Variants in RAD54B observed in about 807,000 individuals in gnomAD.
The protein encoded by RAD54B is DNA repair and recombination protein RAD54B.
A neutral mutation model predicts 95.8 loss-of-function variants in RAD54B; 78 were observed. That is an observed-to-expected ratio of 0.81 (90% CI 0.68 to 0.98). The LOEUF (loss-of-function observed/expected upper bound fraction) is 0.98. Ranked by LOEUF, RAD54B falls within the 50% of genes least tolerant of loss-of-function variation. RAD54B has a pLI of 0.00. For synonymous variants in RAD54B, 328 were observed against 354.9 expected (o/e 0.92, Z 0.85); for missense variants, 957 against 1,056.6 (o/e 0.91, Z 1.31).
At chr8:94,474,898 C>T (rs1216432035) in intron 1 of RAD54B, 103 bp downstream of exon 1, 2 of 152,594 alleles carry the variant, frequency 1.3e-5, no homozygotes, top group African/African-American at 2.4e-5. Flanking sequence ...GCCGCCTTCC[C>T]TCCCTCCTCC....
At chr8:94,447,160 C>G (rs1812541735) in intron 3 of RAD54B, among the ~76,000 whole-genome samples, 1 of 152,106 alleles carries the variant, frequency 6.6e-6, no homozygotes, top group African/African-American at 2.4e-5. Context: ...CTTGAAAACC[C>G]TCACAAAACC....
chr8:94,446,086 CAT>C (rs1379060131), intron 3 of RAD54B, among the ~76,000 whole-genome samples: 14 of 151,948 alleles, frequency 9.2e-5, no homozygotes, highest in African/African-American at 3.4e-4. Context: ...AAAAAGAAAA[CAT>C]AGCAAGTAGT....
intron 3 of RAD54B, among the ~76,000 whole-genome samples, chr8:94,455,978 T>C (rs1475180374): frequency 6.6e-6 from 1 of 152,216 alleles, no homozygotes; most frequent in African/African-American, 2.4e-5. Context: ...AACATATATC[T>C]TTAGGAGACA....
At chr8:94,432,183 T>C in intron 3 of RAD54B, 1 of 1,550,302 alleles carries the variant, frequency 6.5e-7, no homozygotes, top group Non-Finnish European at 8.7e-7. Flanking sequence ...TGCTTTCAGC[T>C]TCTCCACTTC....
chr8:94,404,212 T>G lies in RAD54B; in HGVS notation c.809A>C (p.Lys270Thr). ...CTTATTGAATACCCACTGGTGATTC[T>G]TATCTGGTCGTGGCATAACGAGGGA... ...PNSLVMPRPD[K>T]NHQWVFNKNC... is the part of the protein sequence containing the mutation. Residue 270 changes from lysine (K) to threonine (T), a missense_variant, in exon 6 of 15, where the codon AAG becomes ACG. By Grantham distance (78) the Lys-to-Thr change is moderately conservative. Transcript: ENST00000336148. The G allele has an allele frequency of 6.8e-6, 11 of 1,605,936 alleles. No homozygotes were observed. The highest frequency in any genetic ancestry group is 9.3e-6 in the Non-Finnish European group (11 of 1,177,078).
chr8:94,413,211 A>T (rs1811571756), intron 3 of RAD54B, among the ~76,000 whole-genome samples: 1 of 152,222 alleles, frequency 6.6e-6, no homozygotes, highest in African/African-American at 2.4e-5. Context: ...TGGCAAGTTG[A>T]TTTAAAAATT....
At chr8:94,443,937 G>A (rs1812458556) in intron 3 of RAD54B, among the ~76,000 whole-genome samples, 1 of 150,780 alleles carries the variant, frequency 6.6e-6, no homozygotes, top group African/African-American at 2.5e-5. Context: ...CAACTATTAT[G>A]TATCAATAAA....
intron 3 of RAD54B, among the ~76,000 whole-genome samples, chr8:94,422,398 C>T (rs911366084): frequency 5.2e-4 from 79 of 150,666 alleles, no homozygotes; most frequent in African/African-American, 1.9e-3. Flanking sequence ...ACCAGCCTGG[C>T]CAACGTGGCG....
At chr8:94,472,496 C>G (rs1813195971) in intron 1 of RAD54B, among the ~76,000 whole-genome samples, 1 of 152,078 alleles carries the variant, frequency 6.6e-6, no homozygotes, top group Non-Finnish European at 1.5e-5. Context: ...AGATAATGAG[C>G]CTTCTTAAAC....
chr8:94,416,781 T>C (rs1225175728), intron 3 of RAD54B, among the ~76,000 whole-genome samples: 1 of 152,130 alleles, frequency 6.6e-6, no homozygotes, highest in Admixed American at 6.6e-5. Flanking sequence ...ACCCTGCTGG[T>C]AGGAGTATAA....
intron 3 of RAD54B, among the ~76,000 whole-genome samples, chr8:94,419,935 A>G (rs1811764276): frequency 6.6e-6 from 1 of 152,108 alleles, no homozygotes; most frequent in Non-Finnish European, 1.5e-5. Context: ...TCTTAATACC[A>G]TATTTTTACT....
chr8:94,453,251 G>A (rs1462695601), intron 3 of RAD54B, among the ~76,000 whole-genome samples: 4 of 152,136 alleles, frequency 2.6e-5, no homozygotes, highest in Admixed American at 6.5e-5. Context: ...AGTTCTGGCC[G>A]GGCACAGCGG....
chr8:94,400,604 T>C, intron 6 of RAD54B, 141 bp from the exon 7 acceptor site: 1 of 632,030 alleles, frequency 1.6e-6, no homozygotes, highest in Non-Finnish European at 2.6e-6. Flanking sequence ...AACACATCTT[T>C]TGCATCTTTG....
chr8:94,472,589 C>T lies in RAD54B; in HGVS notation c.-17+2412G>A, dbSNP rs140965990. Among the ~76,000 whole-genome samples, 884 of 152,230 alleles carry T rather than the reference C, an allele frequency of 5.8e-3. 12 individuals are homozygous for T. Among genetic ancestry groups the T allele is most frequent in the African/African-American group, 0.02 (827 of 41,538 alleles). On this transcript the variant is annotated intron_variant, in intron 1 of 14. Coordinates refer to ENST00000336148, the MANE Select transcript of RAD54B (RefSeq NM_012415.3). ...AGTTCTGTTCTCTACATTAGTCAGA[C>T]TCCCCTCTAATACTGTGAAAATTCT...
At chr8:94,424,874 C>T (rs941367139) in intron 3 of RAD54B, among the ~76,000 whole-genome samples, 2 of 152,004 alleles carry the variant, frequency 1.3e-5, no homozygotes, top group African/African-American at 4.8e-5. Flanking sequence ...CCAGCCTGGA[C>T]AATACGGCAA....
intron 8 of RAD54B, among the ~76,000 whole-genome samples, chr8:94,398,944 T>C (rs150020995): frequency 2.7e-3 from 413 of 152,278 alleles, no homozygotes; most frequent in Non-Finnish European, 4.7e-3. Flanking sequence ...ACATGTCAGG[T>C]AGTTATAAAT....
intron 3 of RAD54B, among the ~76,000 whole-genome samples, chr8:94,422,734 C>A (rs1362144131): frequency 8.0e-6 from 1 of 125,686 alleles, no homozygotes; most frequent in Non-Finnish European, 1.6e-5. Context: ...TTCTAGAAAG[C>A]CTCCTCACCA....
chr8:94,468,229 A>C (rs1386425334), intron 1 of RAD54B, among the ~76,000 whole-genome samples: 1 of 152,136 alleles, frequency 6.6e-6, no homozygotes, highest in African/African-American at 2.4e-5. Context: ...CATCTTTAAA[A>C]ATAGTTACAT....
chr8:94,439,595 T>A (rs890189226), intron 3 of RAD54B, among the ~76,000 whole-genome samples: 2 of 151,346 alleles, frequency 1.3e-5, no homozygotes, highest in East Asian at 3.9e-4. Context: ...CTTACTTTTA[T>A]ATATTTTAGG....
Sources: allele counts gnomAD v4.1 joint callset (sites outside exome capture counted in the v4.1 genomes callset), GRCh38; gene constraint gnomAD v4.1.1; transcripts MANE v1.5; gene names NCBI Gene and HGNC (gene_info 2026-07-23, HGNC 2026-07-21).